The following MSH3 variants were observed in gnomAD, a reference collection of about 807,000 sequenced individuals.
MSH3 encodes the protein mutS homolog 3, also known as DNA mismatch repair protein Msh3.
A neutral mutation model predicts 123.3 loss-of-function variants in MSH3; 106 were observed. The observed-to-expected ratio is 0.86, with a 90% confidence interval of 0.73 to 1.01. MSH3 has a LOEUF of 1.01. Among genes scored for constraint, MSH3 ranks in the 50% least tolerant of loss-of-function variants. The probability of loss-of-function intolerance (pLI) is 0.00; values close to 1 mark genes in which losing one functional copy is unlikely to be tolerated. For missense variants in MSH3, 1,459 were observed against 1,347.6 expected, an observed-to-expected ratio of 1.08 and a Z score of -1.29; for synonymous variants, 515 against 481.4, an observed-to-expected ratio of 1.07 and a Z score of -0.91.
chr5:80,823,070 T>A (rs1745230609), intron 20 of MSH3, among the ~76,000 whole-genome samples: 1 of 152,200 alleles, frequency 6.6e-6, no homozygotes, highest in Admixed American at 6.5e-5. Flanking sequence ...CTTGTTACAA[T>A]ATGTGAAAAA....
chr5:80,736,732 G>A lies in MSH3; in HGVS notation c.1569-4732G>A, dbSNP rs143198320. On this transcript the variant is annotated intron_variant, in intron 10 of 23. Transcript: ENST00000265081. ...GGACCAGTCCGGCATAGAAACCATG[G>A]GTGCTGAGTCTCTAATGAGTTCCCT... Among the ~76,000 whole-genome samples the A allele has an allele frequency of 2.6e-3, 401 of 152,240 alleles. 1 individual carries two copies. Among genetic ancestry groups the A allele is most frequent in the South Asian group, 0.014 (66 of 4,832 alleles).
chr5:80,711,494 G>C (rs1348855726), intron 8 of MSH3, among the ~76,000 whole-genome samples: 1 of 152,122 alleles, frequency 6.6e-6, no homozygotes, highest in African/African-American at 2.4e-5. Context: ...GGACTCACCA[G>C]CTGACTGTCA....
Position 80,834,014 on chromosome 5 carries a change from G to A in MSH3, c.2814-20116G>A, listed in dbSNP as rs188256135. ...CTTAAAGGAAATTAACAGGAAATAC[G>A]TTTATCAATAAACAGTTCCCACAAT... On this transcript the variant is annotated intron_variant, in intron 20 of 23. Transcript: ENST00000265081. Among the ~76,000 whole-genome samples the A allele has an allele frequency of 3.0e-3, 459 of 152,248 alleles. 1 individual carries two copies. Among genetic ancestry groups the A allele is most frequent in the Non-Finnish European group, 4.3e-3 (290 of 68,008 alleles).
chr5:80,702,399 C>T (rs955009426), intron 8 of MSH3, among the ~76,000 whole-genome samples: 1 of 152,114 alleles, frequency 6.6e-6, no homozygotes, highest in African/African-American at 2.4e-5. Flanking sequence ...TTGCATGCCT[C>T]CCTGATGGCC....
At chr5:80,853,448 C>T (rs1329821746) in intron 20 of MSH3, among the ~76,000 whole-genome samples, 5 of 151,566 alleles carry the variant, frequency 3.3e-5, no homozygotes, top group Non-Finnish European at 7.4e-5. Flanking sequence ...GCACTCCAGC[C>T]TGGGCAATGG....
At position 80,705,480 on chromosome 5, in the gene MSH3, GCT is replaced by G; in HGVS notation, c.1341-19966_1341-19965del. ...CTCGTAATTGGCAAATACTACCACA[GCT>G]CTCTCTTCAATCTGTTTGATGTTCT... On this transcript the variant is annotated intron_variant, in intron 8 of 23. Coordinates refer to ENST00000265081, the MANE Select transcript of MSH3 (RefSeq NM_002439.5). Among the ~76,000 whole-genome samples the G allele has an allele frequency of 1.3e-5, 2 of 152,316 alleles. 1 individual carries two copies. Among genetic ancestry groups the G allele is most frequent in the South Asian group, 4.1e-4 (2 of 4,828 alleles).
chr5:80,724,057 A>C (rs1045591289), intron 8 of MSH3, among the ~76,000 whole-genome samples: 1 of 152,230 alleles, frequency 6.6e-6, no homozygotes, highest in Non-Finnish European at 1.5e-5. Flanking sequence ...GTGCCCGGCC[A>C]GCGTTTCCTT....
intron 2 of MSH3, among the ~76,000 whole-genome samples, chr5:80,657,878 C>T (rs1367540001): frequency 6.6e-6 from 1 of 151,994 alleles, no homozygotes; most frequent in African/African-American, 2.4e-5. Context: ...GAATTTGCCA[C>T]GGTTAATGTT....
rs144451315 is a variant in MSH3 at position 80,685,753 on chromosome 5, T to A, written c.1340+6660T>A. Among the ~76,000 whole-genome samples the A allele has an allele frequency of 2.0e-4, 30 of 152,246 alleles. No homozygotes were observed. The East Asian group carries it at 5.8e-3, about 29-fold the overall frequency. On this transcript the variant is annotated intron_variant, in intron 8 of 23. Transcript: ENST00000265081. ...CAAGGTTTATCATTTGGTTATTTAT[T>A]TGAAATGTTTCCTCTTTTTTCATGT...
At chr5:80,709,875 T>C (rs1177419584) in intron 8 of MSH3, among the ~76,000 whole-genome samples, 1 of 152,160 alleles carries the variant, frequency 6.6e-6, no homozygotes, top group African/African-American at 2.4e-5. Context: ...AATCACACAT[T>C]AGTAGCTTTT....
intron 21 of MSH3, among the ~76,000 whole-genome samples, chr5:80,860,896 A>G (rs966440871): frequency 1.3e-5 from 2 of 151,986 alleles, no homozygotes; most frequent in African/African-American, 2.4e-5. Context: ...GGAGATTTCT[A>G]TTAAGATGTC....
At chr5:80,761,425 A>C (rs1261945939) in intron 12 of MSH3, 121 bp from the exon 13 acceptor site, 11 of 1,188,594 alleles carry the variant, frequency 9.3e-6, no homozygotes, top group Non-Finnish European at 1.4e-5. Flanking sequence ...CTCAGTATGA[A>C]GGAGGAGTTT....
At chr5:80,833,695 C>T (rs1005748054) in intron 20 of MSH3, among the ~76,000 whole-genome samples, 2 of 152,238 alleles carry the variant, frequency 1.3e-5, no homozygotes, top group African/African-American at 4.8e-5. Flanking sequence ...CCCACGTCAG[C>T]CTCCCAAAGT....
At position 80,778,835 on chromosome 5, in the gene MSH3, G is replaced by C. The variant is rs1386308078; in HGVS notation, c.2434G>C (p.Glu812Gln). The change falls in exon 17 of 24, where the codon GAG becomes CAG. Residue 812 changes from glutamate to glutamine, a missense_variant and splice_region_variant. Glu to Gln is a conservative substitution (Grantham distance 29, BLOSUM62 2). Coordinates refer to ENST00000265081, the MANE Select transcript of MSH3 (RefSeq NM_002439.5). ...CAGTGCTGAATGGCTTGATTTTCTA[G>C]AGTGAGTTTACAATGAAAAAATATA... The part of the protein sequence containing the change: ...DCSAEWLDFL[E>Q]KFSEHYHSLC... 10 of 1,507,002 alleles carry C rather than the reference G, an allele frequency of 6.6e-6. No homozygotes were observed. The highest frequency in any genetic ancestry group is 1.4e-5 in the African/African-American group (1 of 72,714). 93.4% of individuals were successfully genotyped at this position (1,507,002 alleles called of 1,614,324 possible).
chr5:80,786,913 A>G (rs908624669), intron 17 of MSH3, among the ~76,000 whole-genome samples: 6 of 151,640 alleles, frequency 4.0e-5, no homozygotes, highest in Non-Finnish European at 7.4e-5. Flanking sequence ...ACTTGAGGCA[A>G]TGACCATTAT....
intron 8 of MSH3, among the ~76,000 whole-genome samples, chr5:80,700,482 TA>T (rs1391663089): frequency 6.6e-6 from 1 of 152,208 alleles, no homozygotes; most frequent in African/African-American, 2.4e-5. Flanking sequence ...TTATTAGTAT[TA>T]AAAAATCTGT....
intron 19 of MSH3, among the ~76,000 whole-genome samples, chr5:80,812,730 G>A (rs554789108): frequency 2.0e-5 from 3 of 151,926 alleles, no homozygotes; most frequent in Admixed American, 6.6e-5. Flanking sequence ...ATCACACCCA[G>A]CTAATTTTTG....
intron 15 of MSH3, among the ~76,000 whole-genome samples, chr5:80,772,100 C>G (rs541308924): frequency 1.1e-4 from 17 of 152,096 alleles, no homozygotes; most frequent in African/African-American, 4.1e-4. Context: ...ATCTCTTAAC[C>G]TTGAATGAAA....
chr5:80,813,209 G>C (rs1745039488), intron 19 of MSH3, among the ~76,000 whole-genome samples: 1 of 151,950 alleles, frequency 6.6e-6, no homozygotes, highest in Admixed American at 6.6e-5. Context: ...CCCCAAATAG[G>C]GCCATGGGCA....
Sources: allele counts gnomAD v4.1 joint callset (sites outside exome capture counted in the v4.1 genomes callset), GRCh38; gene constraint gnomAD v4.1.1; transcripts MANE v1.5; gene names NCBI Gene and HGNC (gene_info 2026-07-23, HGNC 2026-07-21).